Variants in SEMA6D observed in about 807,000 individuals in gnomAD.
SEMA6D encodes semaphorin 6D.
SEMA6D carries 35 observed loss-of-function variants against 106.6 expected under a neutral mutation model. The observed-to-expected ratio is 0.33, with a 90% CI of 0.25 to 0.44. The LOEUF is 0.44. Among genes scored for constraint, SEMA6D ranks in the 20% least tolerant of loss-of-function variants. SEMA6D has a pLI of 1.00. For synonymous variants in SEMA6D, 499 were observed against 487.7 expected (o/e 1.02, Z -0.31); for missense variants, 1,185 against 1,345.9 (o/e 0.88, Z 1.87).
chr15:47,584,438 A>AT (rs1294511562), intron 3 of SEMA6D, among the ~76,000 whole-genome samples: 1 of 152,028 alleles, frequency 6.6e-6, no homozygotes. Flanking sequence ...GAAAAAAAAA[A>AT]AAGGAGAGTG....
At chr15:47,207,614 G>A (rs901534320) in intron 1 of SEMA6D, among the ~76,000 whole-genome samples, 1 of 152,138 alleles carries the variant, frequency 6.6e-6, no homozygotes, top group African/African-American at 2.4e-5. Flanking sequence ...AGAAGAGGAT[G>A]TGAAGATTTG....
At chr15:47,749,733 G>C (rs2081330376) in intron 1 of SEMA6D, among the ~76,000 whole-genome samples, 1 of 152,206 alleles carries the variant, frequency 6.6e-6, no homozygotes, top group Non-Finnish European at 1.5e-5. Context: ...TGGAACTGGT[G>C]TGTGGTGGAC....
chr15:47,655,182 A>G (rs1401197172), intron 4 of SEMA6D, among the ~76,000 whole-genome samples: 1 of 152,338 alleles, frequency 6.6e-6, no homozygotes, highest in South Asian at 2.1e-4. Context: ...AATGGTTTCT[A>G]CATCCTGCAA....
chr15:47,772,357 C>CGTGTGCGTGT lies in SEMA6D; in HGVS notation c.*577_*578insCGTGTGTGTG, dbSNP rs2082666351. The CGTGTGCGTGT allele has an allele frequency of 7.1e-6, 1 of 141,546 alleles. No individual in the cohort carries two copies. The highest frequency in any genetic ancestry group is 2.7e-5 in the African/African-American group (1 of 37,024). The allele number at this position is 141,546 out of a possible 1,614,324, so 8.8% of individuals were successfully genotyped here. On this transcript the variant is annotated 3_prime_UTR_variant, in exon 19 of 19. Transcript: ENST00000536845. ...CACCAACAAACTTGTTGTGTGTGTG[C>CGTGTGCGTGT]GTGTGTGTGTGTGTGTGTGTGTGTG...
intron 2 of SEMA6D, among the ~76,000 whole-genome samples, chr15:47,442,025 T>G (rs2041897968): frequency 6.6e-6 from 1 of 152,112 alleles, no homozygotes; most frequent in Non-Finnish European, 1.5e-5. Flanking sequence ...CATATACAAT[T>G]TCTAATGTTA....
chr15:47,366,761 A>T (rs1390393423), intron 1 of SEMA6D, among the ~76,000 whole-genome samples: 1 of 152,232 alleles, frequency 6.6e-6, no homozygotes, highest in Non-Finnish European at 1.5e-5. Context: ...TCAGCGCTAA[A>T]AGCAATGGGG....
intron 1 of SEMA6D, among the ~76,000 whole-genome samples, chr15:47,739,459 C>G (rs1477128129): frequency 6.6e-6 from 1 of 152,176 alleles, no homozygotes; most frequent in Non-Finnish European, 1.5e-5. Context: ...CACAAGCAGT[C>G]AGGTCTCAGG....
chr15:47,265,112 G>A (rs142001807), intron 1 of SEMA6D, among the ~76,000 whole-genome samples: 13 of 152,076 alleles, frequency 8.5e-5, no homozygotes, highest in African/African-American at 2.4e-4. Context: ...GTATCAGAGT[G>A]ACACAGGCCT....
At chr15:47,737,099 A>G (rs2080488938) in intron 1 of SEMA6D, among the ~76,000 whole-genome samples, 1 of 152,174 alleles carries the variant, frequency 6.6e-6, no homozygotes, top group East Asian at 1.9e-4. Context: ...GTAGGAGGTA[A>G]GAAGGAAAAA....
chr15:47,679,752 C>T (rs903211345), intron 4 of SEMA6D, among the ~76,000 whole-genome samples: 1 of 152,130 alleles, frequency 6.6e-6, no homozygotes, highest in Admixed American at 6.5e-5. Context: ...AAGCACAATG[C>T]CCATCAGTAA....
intron 1 of SEMA6D, among the ~76,000 whole-genome samples, chr15:47,272,381 A>G (rs2034597044): frequency 6.6e-6 from 1 of 152,180 alleles, no homozygotes; most frequent in Non-Finnish European, 1.5e-5. Context: ...AAAATAGCAC[A>G]AAGACATTGA....
intron 9 of SEMA6D, among the ~76,000 whole-genome samples, 180 bp from the exon 10 acceptor site, chr15:47,763,670 T>C (rs1282314653): frequency 2.0e-5 from 3 of 152,168 alleles, no homozygotes; most frequent in South Asian, 2.1e-4. Flanking sequence ...GGCTCTTTTT[T>C]CCCCACAGGT....
chr15:47,234,506 C>T (rs999293216), intron 1 of SEMA6D, among the ~76,000 whole-genome samples: 26 of 151,824 alleles, frequency 1.7e-4, no homozygotes, highest in African/African-American at 6.3e-4. Flanking sequence ...TTCACCCTTC[C>T]CCTTCCTGAG....
At chr15:47,433,319 G>A (rs745388257) in intron 2 of SEMA6D, among the ~76,000 whole-genome samples, 4 of 151,526 alleles carry the variant, frequency 2.6e-5, no homozygotes, top group African/African-American at 4.8e-5. Flanking sequence ...AGGCATTATC[G>A]CCAAGTATTT....
chr15:47,411,861 G>A (rs959440083), intron 1 of SEMA6D, among the ~76,000 whole-genome samples: 4 of 152,064 alleles, frequency 2.6e-5, no homozygotes, highest in African/African-American at 9.7e-5. Flanking sequence ...TCATCTCAAG[G>A]TCAATAGAGG....
intron 1 of SEMA6D, among the ~76,000 whole-genome samples, chr15:47,208,813 A>G (rs17284045): frequency 0.012 from 1,857 of 152,254 alleles, 43 homozygotes; most frequent in Admixed American, 0.012. Flanking sequence ...GGCATGTCCT[A>G]TAACATCTTT....
chr15:47,459,562 G>A (rs966061334), intron 2 of SEMA6D, among the ~76,000 whole-genome samples: 15 of 151,902 alleles, frequency 9.9e-5, no homozygotes, highest in South Asian at 4.1e-4. Flanking sequence ...GACAGACCAC[G>A]GAGAAACAGA....
At chr15:47,670,772 A>G (rs1465941882) in intron 4 of SEMA6D, among the ~76,000 whole-genome samples, 2 of 152,196 alleles carry the variant, frequency 1.3e-5, no homozygotes, top group Non-Finnish European at 2.9e-5. Context: ...TCCCAAGTCC[A>G]GTGGGAATTT....
At chr15:47,682,293 G>A (rs776139342) in intron 4 of SEMA6D, among the ~76,000 whole-genome samples, 3 of 151,696 alleles carry the variant, frequency 2.0e-5, no homozygotes, top group Admixed American at 6.6e-5. Flanking sequence ...TCAGCCTCCC[G>A]AGTAGCTGGG....
Sources: gnomAD v4.1 joint callset for allele counts (sites outside exome capture counted in the v4.1 genomes callset) on GRCh38, gnomAD v4.1.1 for gene constraint, MANE v1.5 for transcripts, NCBI Gene and HGNC (gene_info 2026-07-23, HGNC 2026-07-21) for gene names.